The following SOX5 variants were observed in gnomAD, a reference collection of about 807,000 sequenced individuals.
The protein encoded by SOX5 is transcription factor SOX-5.
Under a neutral mutation model 92.0 loss-of-function variants are expected in SOX5, and 9 were observed. That is an observed-to-expected ratio of 0.10 (90% CI 0.06 to 0.17). The LOEUF (loss-of-function observed/expected upper bound fraction) is 0.17, where lower values mean the gene tolerates loss of function less well. Among genes scored for constraint, SOX5 ranks in the 10% least tolerant of loss-of-function variants. The probability of loss-of-function intolerance (pLI) is 1.00; values close to 1 mark genes in which losing one functional copy is unlikely to be tolerated. For synonymous variants in SOX5, 344 were observed against 336.3 expected (o/e 1.02, Z -0.25); for missense variants, 642 against 944.5 (o/e 0.68, Z 4.20).
At chr12:23,946,675 A>G (rs140616355) in intron 1 of SOX5, among the ~76,000 whole-genome samples, 1,538 of 152,032 alleles carry the variant, frequency 0.01, 19 homozygotes, top group African/African-American at 0.035. Context: ...TAATGATGCT[A>G]TTACTCACAT....
At chr12:23,540,301 G>A (rs1941675017) in intron 13 of SOX5, among the ~76,000 whole-genome samples, 1 of 150,664 alleles carries the variant, frequency 6.6e-6, no homozygotes, top group Admixed American at 6.6e-5. Context: ...CACCAGCATG[G>A]CACATGTATA....
chr12:23,998,216 T>C (rs1045497449), intron 4 of SOX5, among the ~76,000 whole-genome samples: 6 of 152,072 alleles, frequency 3.9e-5, no homozygotes, highest in African/African-American at 7.2e-5. Context: ...ATGGCAATGA[T>C]TGATCAAACA....
chr12:23,902,116 A>G (rs534275957), intron 1 of SOX5, among the ~76,000 whole-genome samples: 1 of 152,290 alleles, frequency 6.6e-6, no homozygotes, highest in South Asian at 2.1e-4. Context: ...CTACTAATAG[A>G]CTTATTACTG....
At chr12:24,196,524 C>T (rs920212785) in intron 4 of SOX5, among the ~76,000 whole-genome samples, 3 of 152,080 alleles carry the variant, frequency 2.0e-5, no homozygotes, top group Admixed American at 1.3e-4. Context: ...GGGGGGTCAA[C>T]CAGATGAAGA....
At chr12:24,127,425 A>G (rs1279314132) in intron 4 of SOX5, among the ~76,000 whole-genome samples, 1 of 150,544 alleles carries the variant, frequency 6.6e-6, no homozygotes, top group Non-Finnish European at 1.5e-5. Flanking sequence ...AATAATAATA[A>G]TAATACCAAT....
chr12:24,170,660 A>T (rs532399035), intron 4 of SOX5, among the ~76,000 whole-genome samples: 16 of 152,332 alleles, frequency 1.1e-4, no homozygotes, highest in South Asian at 8.3e-4. Flanking sequence ...GCATTTAAAC[A>T]AAAAGTCTCC....
chr12:24,342,117 C>G (rs1952645304), intron 2 of SOX5, among the ~76,000 whole-genome samples: 1 of 152,212 alleles, frequency 6.6e-6, no homozygotes, highest in Admixed American at 6.5e-5. Context: ...TCAATTCTTT[C>G]TGCCAACAAC....
intron 6 of SOX5, among the ~76,000 whole-genome samples, chr12:23,719,776 C>T (rs538957791): frequency 2.9e-5 from 3 of 101,742 alleles, no homozygotes; most frequent in Admixed American, 1.1e-4. Context: ...AAAAAAAACC[C>T]CAGCTATTTA....
At chr12:23,766,808 A>G (rs571250237) in intron 3 of SOX5, among the ~76,000 whole-genome samples, 1 of 152,276 alleles carries the variant, frequency 6.6e-6, no homozygotes, top group South Asian at 2.1e-4. Flanking sequence ...AAATGCAGTA[A>G]AAACTGCTAA....
chr12:24,066,140 G>C (rs1940700276), intron 4 of SOX5, among the ~76,000 whole-genome samples: 1 of 152,066 alleles, frequency 6.6e-6, no homozygotes. Context: ...TATAATTCTG[G>C]AATGAACCAA....
intron 2 of SOX5, among the ~76,000 whole-genome samples, chr12:23,865,813 T>C (rs561536958): frequency 6.6e-6 from 1 of 152,210 alleles, no homozygotes; most frequent in East Asian, 1.9e-4. Flanking sequence ...ACATTCGTGA[T>C]GCAAGGGAGG....
intron 3 of SOX5, among the ~76,000 whole-genome samples, chr12:24,243,762 G>T (rs1937980586): frequency 6.6e-6 from 1 of 152,024 alleles, no homozygotes; most frequent in Non-Finnish European, 1.5e-5. Context: ...TAATGATACA[G>T]ACTGAAAGTC....
At chr12:24,318,321 T>G (rs1949898799) in intron 2 of SOX5, among the ~76,000 whole-genome samples, 1 of 152,208 alleles carries the variant, frequency 6.6e-6, no homozygotes, top group African/African-American at 2.4e-5. Flanking sequence ...GTGTGATTTC[T>G]GGGACAGTTG....
At chr12:24,103,972 T>C (rs1946385062) in intron 4 of SOX5, among the ~76,000 whole-genome samples, 1 of 152,182 alleles carries the variant, frequency 6.6e-6, no homozygotes, top group Non-Finnish European at 1.5e-5. Context: ...CTGGAAGAAA[T>C]AAAGCTGTGC....
At position 24,213,662 on chromosome 12, in the gene SOX5, G is replaced by A. The variant is rs1317421115; in HGVS notation, c.-76-245C>T. ...AACAACATCAGACTCATACGACTGT[G>A]CTAGTTAGTGGCTAATGAATGAAAA... On this transcript the variant is annotated intron_variant, in intron 3 of 4. Transcript: ENST00000446891. 2.0e-5 allele frequency among the ~76,000 whole-genome samples: 3 copies of A among 151,506 alleles called. No individual in the cohort carries two copies. In the East Asian group the frequency reaches 5.8e-4, roughly 29 times the overall value.
At position 24,461,697 on chromosome 12, in the gene SOX5, C is replaced by T. The variant is rs900751019; in HGVS notation, c.-250-93058G>A. On this transcript the variant is annotated intron_variant, in intron 1 of 4. Coordinates refer to the SOX5 transcript ENST00000446891. The stretch of plus-strand genomic sequence containing the variant: ...CTTTATGTAATAATAGTAATAAAAC[C>T]TAACCTTCATTGAACACTTACTCTG... 7.9e-5 allele frequency among the ~76,000 whole-genome samples: 12 copies of T among 152,164 alleles called. No homozygotes were observed. In the East Asian group the frequency reaches 1.9e-3, roughly 24 times the overall value.
intron 6 of SOX5, among the ~76,000 whole-genome samples, chr12:23,682,622 G>A (rs1407747862): frequency 6.6e-6 from 1 of 151,612 alleles, no homozygotes; most frequent in Non-Finnish European, 1.5e-5. Context: ...TAAATTTGAA[G>A]CCACTATGTT....
chr12:23,716,301 G>C (rs1428887011), intron 6 of SOX5, among the ~76,000 whole-genome samples: 1 of 152,140 alleles, frequency 6.6e-6, no homozygotes, highest in African/African-American at 2.4e-5. Context: ...GAAAAAAAGA[G>C]AACTTTGGCA....
intron 4 of SOX5, among the ~76,000 whole-genome samples, chr12:23,981,174 C>T (rs866729988): frequency 1.3e-5 from 2 of 152,214 alleles, no homozygotes; most frequent in South Asian, 4.1e-4. Flanking sequence ...TCTAATTCCA[C>T]AAGCTACATA....
Sources: gnomAD v4.1 joint callset for allele counts (sites outside exome capture counted in the v4.1 genomes callset) on GRCh38, gnomAD v4.1.1 for gene constraint, MANE v1.5 for transcripts, NCBI Gene and HGNC (gene_info 2026-07-23, HGNC 2026-07-21) for gene names.